PRDM16: variants seen among roughly 807,000 people sequenced by gnomAD.
PRDM16 encodes the protein PR/SET domain 16.
Under a neutral mutation model 110.6 loss-of-function variants are expected in PRDM16, and 23 were observed. The ratio of observed to expected loss-of-function variants is 0.21; its 90% CI spans 0.15 to 0.29. The LOEUF is 0.29. PRDM16 is among the 10% of genes least tolerant of loss of function. The pLI is 1.00. For synonymous variants in PRDM16, 799 were observed against 781.8 expected (o/e 1.02, Z -0.37); for missense variants, 1,615 against 1,794.3 (o/e 0.90, Z 1.81).
Position 3,301,167 on chromosome 1 carries a change from CA to C in PRDM16, c.438+57037del, listed in dbSNP as rs1432955372. On this transcript the variant is annotated intron_variant, in intron 3 of 16. Coordinates refer to ENST00000270722, the MANE Select transcript of PRDM16 (RefSeq NM_022114.4). ...GAAACCTAGCAAGACCCTGTCTCTA[CA>C]AAAAAATTAAAAATTAGCTGGATGT... Among the ~76,000 whole-genome samples, 3 of 152,004 alleles carry C rather than the reference CA, an allele frequency of 2.0e-5. No individual in the cohort carries two copies. In the East Asian group the frequency reaches 5.8e-4, roughly 29 times the overall value.
chr1:3,300,181 A>G (rs372556798), intron 3 of PRDM16, among the ~76,000 whole-genome samples: 5 of 78,114 alleles, frequency 6.4e-5, no homozygotes, highest in African/African-American at 8.0e-5. Context: ...AGTCGTGGTG[A>G]CTCTGCCCTT....
chr1:3,315,005 A>G (rs906225536), intron 3 of PRDM16, among the ~76,000 whole-genome samples: 1 of 152,114 alleles, frequency 6.6e-6, no homozygotes, highest in Non-Finnish European at 1.5e-5. Flanking sequence ...AGAGCATGGC[A>G]TCGCTCTGAA....
chr1:3,357,487 G>A (rs1381559681), intron 3 of PRDM16, among the ~76,000 whole-genome samples: 1 of 146,446 alleles, frequency 6.8e-6, no homozygotes, highest in Non-Finnish European at 1.5e-5. Flanking sequence ...AGTGGCCCCA[G>A]GAGGCTCAGG....
At chr1:3,282,059 C>T (rs1024476492) in intron 3 of PRDM16, among the ~76,000 whole-genome samples, 3 of 152,222 alleles carry the variant, frequency 2.0e-5, no homozygotes, top group African/African-American at 7.2e-5. Context: ...AACTGAGAAC[C>T]CCAGGTCCAG....
intron 3 of PRDM16, among the ~76,000 whole-genome samples, chr1:3,321,526 A>ATG (rs534100051): frequency 6.8e-6 from 1 of 146,016 alleles, no homozygotes; most frequent in African/African-American, 2.7e-5. Flanking sequence ...GTGGGGGTGC[A>ATG]TGTGTGTGTG....
Position 3,414,597 on chromosome 1 carries a change from G to A in PRDM16, c.2641G>A (p.Ala881Thr), listed in dbSNP as rs1440026597. The A allele has an allele frequency of 1.9e-6, 3 of 1,613,560 alleles. No homozygotes were observed. Among genetic ancestry groups the A allele is most frequent in the East Asian group, 4.5e-5 (2 of 44,866 alleles). ...EKRKVTDPVG[A>T]LKEKYLRPSP... The stretch of plus-strand genomic sequence containing the variant: ...GCGGAAGGTCACAGACCCCGTGGGA[G>A]CCCTGAAGGAGAAGTACCTGCGGCC... Residue 881 changes from alanine (A) to threonine (T), a missense_variant, in exon 10 of 17, where the codon GCC (alanine) becomes ACC (threonine). By Grantham distance (58) the Ala-to-Thr change is moderately conservative. This residue lies in a region of PRDM16 where 772 missense variants were observed against 748.3 expected (regional missense o/e 1.03). Transcript: ENST00000270722.
intron 3 of PRDM16, among the ~76,000 whole-genome samples, chr1:3,325,737 G>A (rs1029524451): frequency 6.6e-6 from 1 of 152,218 alleles, no homozygotes; most frequent in Non-Finnish European, 1.5e-5. Flanking sequence ...GGCCATCCTT[G>A]GCCCTCCTTG....
At chr1:3,294,025 C>G (rs1280829702) in intron 3 of PRDM16, among the ~76,000 whole-genome samples, 1 of 152,188 alleles carries the variant, frequency 6.6e-6, no homozygotes, top group Non-Finnish European at 1.5e-5. Flanking sequence ...CATTCCCCTG[C>G]CTCACTGTGG....
At chr1:3,377,170 A>G (rs1212241657) in intron 3 of PRDM16, among the ~76,000 whole-genome samples, 1 of 152,212 alleles carries the variant, frequency 6.6e-6, no homozygotes, top group Non-Finnish European at 1.5e-5. Flanking sequence ...CAGGGTAAGG[A>G]GACCCTCTCC....
chr1:3,404,676 G>C, intron 6 of PRDM16, 63 bp from the exon 7 acceptor site: 1 of 1,598,348 alleles, frequency 6.3e-7, no homozygotes, highest in Non-Finnish European at 8.5e-7. Context: ...TGTATGGTTG[G>C]GGTCCCCTCC....
At chr1:3,326,444 G>T (rs1467683213) in intron 3 of PRDM16, among the ~76,000 whole-genome samples, 1 of 152,186 alleles carries the variant, frequency 6.6e-6, no homozygotes, top group Non-Finnish European at 1.5e-5. Flanking sequence ...GATTCAGCTT[G>T]CTGCAGGGGC....
chr1:3,259,922 ATC>A (rs2100247473), intron 3 of PRDM16, among the ~76,000 whole-genome samples: 1 of 152,074 alleles, frequency 6.6e-6, no homozygotes, highest in African/African-American at 2.4e-5. Context: ...GGCACCCAGG[ATC>A]TTCCATTACT....
chr1:3,337,756 C>T (rs981324156), intron 3 of PRDM16, among the ~76,000 whole-genome samples: 4 of 152,204 alleles, frequency 2.6e-5, no homozygotes, highest in East Asian at 1.9e-4. Flanking sequence ...AGAGAGCACA[C>T]GATAGAGTTC....
chr1:3,337,508 G>T (rs534732361), intron 3 of PRDM16, among the ~76,000 whole-genome samples: 3 of 152,302 alleles, frequency 2.0e-5, no homozygotes, highest in South Asian at 4.1e-4. Flanking sequence ...GCCATGCCAG[G>T]TCACCAAGAC....
chr1:3,104,735 T>A (rs1036271841), intron 1 of PRDM16, among the ~76,000 whole-genome samples: 1 of 151,470 alleles, frequency 6.6e-6, no homozygotes, highest in Non-Finnish European at 1.5e-5. Context: ...AGCCCCCACC[T>A]CCCCACGTCA....
intron 3 of PRDM16, among the ~76,000 whole-genome samples, chr1:3,280,692 G>T (rs1415517267): frequency 2.6e-5 from 4 of 152,210 alleles, no homozygotes; most frequent in Non-Finnish European, 5.9e-5. Flanking sequence ...CATGAAGGCT[G>T]TTGCTTAGCT....
At chr1:3,120,723 G>A (rs1418306022) in intron 1 of PRDM16, among the ~76,000 whole-genome samples, 1 of 152,174 alleles carries the variant, frequency 6.6e-6, no homozygotes, top group Middle Eastern at 3.2e-3. Flanking sequence ...GTGAGGAGAG[G>A]GTCTGGAAGC....
At chr1:3,357,067 G>A (rs901428443) in intron 3 of PRDM16, among the ~76,000 whole-genome samples, 1 of 152,176 alleles carries the variant, frequency 6.6e-6, no homozygotes, top group Admixed American at 6.5e-5. Flanking sequence ...GCCATCCTCA[G>A]GCGGGTGCAG....
chr1:3,160,834 G>GC (rs1342141976), intron 1 of PRDM16, among the ~76,000 whole-genome samples: 1 of 152,232 alleles, frequency 6.6e-6, no homozygotes, highest in Non-Finnish European at 1.5e-5. Context: ...GGGTAGCTGG[G>GC]CTCAGAGAGG....
Sources: gnomAD v4.1 joint callset for allele counts (sites outside exome capture counted in the v4.1 genomes callset) on GRCh38, gnomAD v4.1.1 for gene constraint, gnomAD v4.1.1 regional missense constraint, MANE v1.5 for transcripts, NCBI Gene and HGNC (gene_info 2026-07-23, HGNC 2026-07-21) for gene names.